The following POU3F3 variants were observed in gnomAD, a reference collection of about 807,000 sequenced individuals.
The protein encoded by POU3F3 is POU domain, class 3, transcription factor 3.
POU3F3 carries 1 observed loss-of-function variant against 8.6 expected under a neutral mutation model. The ratio of observed to expected loss-of-function variants is 0.12; its 90% CI spans 0.04 to 0.55. The LOEUF is 0.55. Ranked by LOEUF, POU3F3 falls within the 20% of genes least tolerant of loss-of-function variation. POU3F3 has a pLI of 0.91. For missense variants in POU3F3, 577 were observed against 690.7 expected, an observed-to-expected ratio of 0.84 and a Z score of 1.84; for synonymous variants, 418 against 327.4, an observed-to-expected ratio of 1.28 and a Z score of -2.99.
Position 104,854,128 on chromosome 2 carries a change from C to G in POU3F3, c.-1383C>G, listed in dbSNP as rs932545680. ...CGGAGGGTAAACATTCGACAGTCCCCGCTCTGAGAGGGAGGGACAGAGAGC... is the reference window on the plus strand; with the variant it reads ...CGGAGGGTAAACATTCGACAGTCCCGGCTCTGAGAGGGAGGGACAGAGAGC... On this transcript the variant is annotated 5_prime_UTR_variant, in exon 1 of 1. Transcript: ENST00000361360. This position sits in a 1 kb window ranked among gnomAD's most constrained non-coding sequence, Gnocchi z 4.5. Among the ~76,000 whole-genome samples the G allele has an allele frequency of 1.3e-5, 2 of 152,188 alleles. No homozygotes were observed. The highest frequency in any genetic ancestry group is 2.4e-5 in the African/African-American group (1 of 41,524).
chr2:104,856,344 G>T lies in POU3F3; in HGVS notation c.834G>T (p.Ala278=), dbSNP rs772868054. 5.3e-6 allele frequency: 8 copies of T among 1,511,848 alleles called. No individual in the cohort carries two copies. The highest frequency in any genetic ancestry group is 1.4e-5 in the African/African-American group (1 of 72,080). 93.7% of individuals were successfully genotyped at this position (1,511,848 alleles called of 1,614,324 possible). Residue 278 remains alanine (A), a synonymous_variant, in exon 1 of 1, where the codon GCG becomes GCT. Coordinates refer to ENST00000361360, the MANE Select transcript of POU3F3 (RefSeq NM_006236.3). ...ACCACCACCACCACCACCACCACGCGCATCCTCACCCGCCGCACCCGCACC... is the reference window on the plus strand; with the variant it reads ...ACCACCACCACCACCACCACCACGCTCATCCTCACCCGCCGCACCCGCACC... ...AEHHHHHHHH[A]HPHPPHPHHA...
At chr2:104,899,952 C>T in the POU3F3 span, among the ~76,000 whole-genome samples, 2 of 152,196 alleles carry the variant, frequency 1.3e-5, no homozygotes, top group South Asian at 4.1e-4. Context: ...GGTGTGTGTC[C>T]AAGTGCAGAA....
At chr2:104,885,498 G>A in the POU3F3 span, among the ~76,000 whole-genome samples, 6 of 152,208 alleles carry the variant, frequency 3.9e-5, no homozygotes, top group African/African-American at 1.4e-4. Flanking sequence ...CCAAGAAGGC[G>A]ATGAAAGTGA....
At chr2:104,906,913 T>A in the POU3F3 span, among the ~76,000 whole-genome samples, 607 of 152,270 alleles carry the variant, frequency 4.0e-3, 6 homozygotes, top group African/African-American at 0.014. Context: ...CCACCATCTC[T>A]CTCTTGCCTG....
At chr2:104,868,096 A>G in the POU3F3 span, 22 of 364,302 alleles carry the variant, frequency 6.0e-5, no homozygotes, top group Admixed American at 8.0e-4. Context: ...ACGCAGGAGA[A>G]CAATTAGGAA....
the POU3F3 span, among the ~76,000 whole-genome samples, chr2:104,874,361 G>A: frequency 6.6e-6 from 1 of 152,190 alleles, no homozygotes; most frequent in African/African-American, 2.4e-5. Context: ...AGGCCTCCCC[G>A]CCAGGGTTCC....
chr2:104,856,171 C>T lies in POU3F3; in HGVS notation c.661C>T (p.Leu221Phe). Residue 221 changes from leucine to phenylalanine, a missense_variant, in exon 1 of 1, where the codon CTC becomes TTC. Coordinates refer to ENST00000361360, the MANE Select transcript of POU3F3 (RefSeq NM_006236.3). ...GGQQPPPQSL[L>F]YSQPGGFTVN... Reference sequence around the variant, plus strand: ...CCAGCAGCCGCCGCCGCAGAGTCTGCTCTACTCGCAGCCCGGAGGCTTCAC... The same window carrying T: ...CCAGCAGCCGCCGCCGCAGAGTCTGTTCTACTCGCAGCCCGGAGGCTTCAC... 1 of 1,271,666 alleles carries T rather than the reference C, an allele frequency of 7.9e-7. No homozygotes were observed. The highest frequency in any genetic ancestry group is 9.9e-7 in the Non-Finnish European group (1 of 1,012,520). 78.8% of individuals were successfully genotyped at this position (1,271,666 alleles called of 1,614,324 possible). A position where few individuals can be genotyped will look rare whatever the true frequency, so the allele number is the denominator to read the frequency against.
rs1351350161 is a variant in POU3F3, at chr2:104,858,120, G to GA, written c.*1110dup. The GA allele has an allele frequency of 6.6e-6, 1 of 152,260 alleles. No individual in the cohort carries two copies. Among genetic ancestry groups the GA allele is most frequent in the African/African-American group, 2.4e-5 (1 of 41,556 alleles). 9.4% of individuals were successfully genotyped at this position (152,260 alleles called of 1,614,324 possible). A position where few individuals can be genotyped will look rare whatever the true frequency, so the allele number is the denominator to read the frequency against. On this transcript the variant is annotated 3_prime_UTR_variant, in exon 1 of 1. Coordinates refer to ENST00000361360, the MANE Select transcript of POU3F3 (RefSeq NM_006236.3). Reference sequence around the variant, plus strand: ...GGACTGACTCAGATAAAGGAATTTAGAAAGACTGAGCACCAGCCGCTGCAC... The same window carrying GA: ...GGACTGACTCAGATAAAGGAATTTAGAAAAGACTGAGCACCAGCCGCTGCAC...
the POU3F3 span, chr2:104,868,528 C>G: frequency 2.7e-6 from 1 of 370,092 alleles, no homozygotes; most frequent in Non-Finnish European, 5.4e-6. Context: ...GCTGTGGTCA[C>G]CCACCGGCCA....
the POU3F3 span, among the ~76,000 whole-genome samples, chr2:104,915,993 T>C: frequency 1.3e-5 from 2 of 151,036 alleles, no homozygotes; most frequent in Admixed American, 1.3e-4. Flanking sequence ...ACATGCTGTG[T>C]GCACCTCCAG....
the POU3F3 span, among the ~76,000 whole-genome samples, chr2:104,893,903 A>AAT: frequency 1.3e-5 from 2 of 151,728 alleles, no homozygotes; most frequent in African/African-American, 4.8e-5. Context: ...AAAAAAAAAA[A>AAT]AGATGCAGTG....
the POU3F3 span, among the ~76,000 whole-genome samples, chr2:104,926,924 G>A: frequency 2.1e-3 from 326 of 152,162 alleles, no homozygotes; most frequent in African/African-American, 7.1e-3. Flanking sequence ...GGGACATAGG[G>A]AGGGGAACAT....
At position 104,855,691 on chromosome 2, in the gene POU3F3, G is replaced by T. The variant is rs748681422; in HGVS notation, c.181G>T (p.Gly61Cys). ...GCCGGGCAGCGCCGCCGTGACCTCGGGCGCCTACCGGGGGGACCCGTCCTC... is the reference window on the plus strand; with the variant it reads ...GCCGGGCAGCGCCGCCGTGACCTCGTGCGCCTACCGGGGGGACCCGTCCTC... Reference protein sequence around the residue: ...MQPGSAAVTSGAYRGDPSSVK... With the variant: ...MQPGSAAVTSCAYRGDPSSVK... Residue 61 changes from glycine to cysteine, a missense_variant, in exon 1 of 1, where the codon GGC becomes TGC. Gly to Cys is a radical substitution (Grantham distance 159). Transcript: ENST00000361360. 1 of 1,201,584 alleles carries T rather than the reference G, an allele frequency of 8.3e-7. No homozygotes were observed. The highest frequency in any genetic ancestry group is 1.1e-6 in the Non-Finnish European group (1 of 948,650). 74.4% of individuals were successfully genotyped at this position (1,201,584 alleles called of 1,614,324 possible).
the POU3F3 span, among the ~76,000 whole-genome samples, chr2:104,864,551 T>C: frequency 1.3e-5 from 2 of 152,176 alleles, no homozygotes; most frequent in Non-Finnish European, 2.9e-5. Context: ...TTTTTTCCAG[T>C]AAAACATACA....
chr2:104,877,936 G>T, the POU3F3 span, among the ~76,000 whole-genome samples: 69 of 152,002 alleles, frequency 4.5e-4, no homozygotes, highest in Admixed American at 1.5e-3. Context: ...GATTACAGGC[G>T]TGAGCCACCA....
In POU3F3 at chr2:104,857,240, G is replaced by T. The variant is rs732278; in HGVS notation, c.*227G>T. ...TTGGAGGAGAAAACGCGGGAGAAAC[G>T]GACCAAGGAGGCATTTTTGCAGTCC... On this transcript the variant is annotated 3_prime_UTR_variant, in exon 1 of 1. Coordinates refer to ENST00000361360, the MANE Select transcript of POU3F3 (RefSeq NM_006236.3). 138,812 of 330,090 alleles carry T rather than the reference G, an allele frequency of 0.42. 30,066 individuals are homozygous for T. The highest frequency in any genetic ancestry group is 0.68 in the East Asian group (3,983 of 5,870). 20.4% of individuals were successfully genotyped at this position (330,090 alleles called of 1,614,324 possible). A position where few individuals can be genotyped will look rare whatever the true frequency, so the allele number is the denominator to read the frequency against.
the POU3F3 span, among the ~76,000 whole-genome samples, chr2:104,911,437 G>A: frequency 6.7e-6 from 1 of 148,192 alleles, no homozygotes; most frequent in Non-Finnish European, 1.5e-5. Context: ...AAAAAAAAGT[G>A]CTACACGGCC....
chr2:104,872,175 C>A, the POU3F3 span: 1 of 452,978 alleles, frequency 2.2e-6, no homozygotes, highest in Non-Finnish European at 4.4e-6. This position sits in a 1 kb window ranked among gnomAD's most constrained non-coding sequence, Gnocchi z 4.6. Flanking sequence ...GGATGCCCTG[C>A]GCCCGCCGGC....
chr2:104,873,620 G>A, the POU3F3 span, among the ~76,000 whole-genome samples: 2 of 152,210 alleles, frequency 1.3e-5, no homozygotes. Context: ...AGTCTTGGGC[G>A]CCATCTAACG....
Sources: allele counts gnomAD v4.1 joint callset (sites outside exome capture counted in the v4.1 genomes callset), GRCh38; gene constraint gnomAD v4.1.1; non-coding constraint Gnocchi (gnomAD v3.1); transcripts MANE v1.5; gene names NCBI Gene and HGNC (gene_info 2026-07-23, HGNC 2026-07-21).